Variants in ERCC6L2 observed in about 807,000 individuals in gnomAD.
ERCC6L2 encodes ERCC excision repair 6 like 2, also known as DNA excision repair protein ERCC-6-like 2.
ERCC6L2 carries 77 observed loss-of-function variants against 132.0 expected under a neutral mutation model. The ratio of observed to expected loss-of-function variants is 0.58; its 90% CI spans 0.49 to 0.71. ERCC6L2 has a LOEUF of 0.71. ERCC6L2 is among the 30% of genes least tolerant of loss of function. The pLI is 0.00. For missense variants in ERCC6L2, 1,542 were observed against 1,837.6 expected (o/e 0.84, Z 2.94); for synonymous variants, 583 against 632.4 (o/e 0.92, Z 1.17).
intron 3 of ERCC6L2, among the ~76,000 whole-genome samples, chr9:95,900,329 A>G (rs1489837102): frequency 6.6e-6 from 1 of 152,024 alleles, no homozygotes; most frequent in African/African-American, 2.4e-5. Context: ...TCTAGGCTGC[A>G]GTGAGCCGTG....
At position 95,875,980 on chromosome 9, in the gene ERCC6L2, G is replaced by C. The variant is rs771284265; in HGVS notation, c.-59G>C. On this transcript the variant is annotated 5_prime_UTR_variant, in exon 1 of 19. Coordinates refer to ENST00000653738, the MANE Select transcript of ERCC6L2 (RefSeq NM_020207.7). ...TGGCCTGCCGGCCAGCCACCTTGCT[G>C]TCCTCCGCCGCCTTCCGGGTGTTAC... 1.9e-6 allele frequency: 3 copies of C among 1,545,990 alleles called. No homozygotes were observed. The highest frequency in any genetic ancestry group is 1.2e-5 in the South Asian group (1 of 84,246).
intron 2 of ERCC6L2, among the ~76,000 whole-genome samples, chr9:95,894,377 G>A (rs186249517): frequency 1.8e-3 from 272 of 152,148 alleles, no homozygotes; most frequent in African/African-American, 5.9e-3. Flanking sequence ...AATTCAACAT[G>A]TATTGTTACT....
rs1827247019 is a variant in ERCC6L2 at position 95,876,085 on chromosome 9, G to A, written c.46+1G>A. 6.4e-7 allele frequency: 1 copy of A among 1,574,286 alleles called. No homozygotes were observed. The highest frequency in any genetic ancestry group is 2.4e-5 in the East Asian group (1 of 42,276). On this transcript the variant is annotated splice_donor_variant, in intron 1 of 18. Transcript: ENST00000653738. LOFTEE classifies it high-confidence loss of function. ...CCCCGCGCGGAAACCTCAGGCAAAG[G>A]TACCAGCTCCGCGCTCGCCCCTTAC...
intron 9 of ERCC6L2, among the ~76,000 whole-genome samples, chr9:95,924,128 G>A (rs575497782): frequency 6.6e-6 from 1 of 151,748 alleles, no homozygotes; most frequent in South Asian, 2.1e-4. Context: ...ACTCAACTTT[G>A]TTATAGTTTT....
rs114198797 is a variant in ERCC6L2 at position 95,885,660 on chromosome 9, G to C, written c.471+4367G>C. On this transcript the variant is annotated intron_variant, in intron 2 of 18. Coordinates refer to ENST00000653738, the MANE Select transcript of ERCC6L2 (RefSeq NM_020207.7). ...TACAGGTTTGGGAACCTGACCTTTG[G>C]TAATCAGACAACTCAGTGATAGGAA... Among the ~76,000 whole-genome samples, 1,355 of 152,268 alleles carry C rather than the reference G, an allele frequency of 8.9e-3. 12 individuals carry two copies. Among genetic ancestry groups the C allele is most frequent in the Middle Eastern group, 0.041 (12 of 294 alleles).
chr9:95,911,024 A>G (rs2132680948), intron 4 of ERCC6L2, among the ~76,000 whole-genome samples: 1 of 152,226 alleles, frequency 6.6e-6, no homozygotes, highest in African/African-American at 2.4e-5. Flanking sequence ...CCTTCCAAGT[A>G]ACTAGGACTA....
At chr9:95,970,811 T>C (rs1481993405) in intron 15 of ERCC6L2, among the ~76,000 whole-genome samples, 155 bp downstream of exon 15, 1 of 152,080 alleles carries the variant, frequency 6.6e-6, no homozygotes, top group African/African-American at 2.4e-5. Context: ...AAATTAATAA[T>C]TAAGGCTGAT....
chr9:96,004,965 A>G (rs972376281), intron 18 of ERCC6L2: 3 of 317,680 alleles, frequency 9.4e-6, no homozygotes, highest in African/African-American at 6.5e-5. Context: ...CAATGAATAT[A>G]TTTTGAGCAC....
chr9:95,894,212 A>G (rs945598384), intron 2 of ERCC6L2, among the ~76,000 whole-genome samples: 4 of 81,672 alleles, frequency 4.9e-5, no homozygotes, highest in Non-Finnish European at 1.2e-4. Context: ...GTGAAAAACA[A>G]TGATTGTATG....
chr9:95,976,870 A>G (rs111496827), intron 16 of ERCC6L2, among the ~76,000 whole-genome samples: 5 of 152,342 alleles, frequency 3.3e-5, no homozygotes, highest in African/African-American at 1.2e-4. Flanking sequence ...ATTTTGCTAT[A>G]GAAATCTTAA....
intron 2 of ERCC6L2, 123 bp from the exon 3 acceptor site, chr9:95,897,726 C>A (rs771070725): frequency 2.7e-5 from 27 of 991,116 alleles, no homozygotes; most frequent in Admixed American, 1.3e-4. Flanking sequence ...ATTTCATGTT[C>A]TATTTCCCCC....
intron 19 of ERCC6L2, among the ~76,000 whole-genome samples, chr9:96,027,481 C>G (rs969147762): frequency 6.6e-6 from 1 of 152,182 alleles, no homozygotes; most frequent in African/African-American, 2.4e-5. Context: ...GTGCCCGGCT[C>G]AGTCACCCGC....
In ERCC6L2 at chr9:95,928,736, G is replaced by A. The variant is rs139587179; in HGVS notation, c.1623G>A (p.Gln541=). The change falls in exon 11 of 19, where the codon CAG becomes CAA. Residue 541 remains glutamine, a synonymous_variant. Coordinates refer to ENST00000653738, the MANE Select transcript of ERCC6L2 (RefSeq NM_020207.7). ...SFSTKLLDVL[Q]QYCMASGLDY... ...TCGTCTAGTTGCTTGACGTGCTACA[G>A]CAGTACTGTATGGCGTCTGGGCTTG... 4.6e-5 allele frequency: 74 copies of A among 1,610,712 alleles called. No homozygotes were observed. In the African/African-American group the frequency reaches 9.2e-4, roughly 20 times the overall value.
intron 11 of ERCC6L2, among the ~76,000 whole-genome samples, chr9:95,933,598 A>T (rs1455188952): frequency 6.6e-6 from 1 of 152,174 alleles, no homozygotes; most frequent in Non-Finnish European, 1.5e-5. Flanking sequence ...TATTCCCAGC[A>T]CTTTGGAAGG....
chr9:95,906,627 G>T (rs1298038618), intron 3 of ERCC6L2: 1 of 456,198 alleles, frequency 2.2e-6, no homozygotes, highest in Non-Finnish European at 4.4e-6. Context: ...TCTGAAAGAG[G>T]GGGAGCGGAA....
Position 95,921,333 on chromosome 9 carries a change from T to G in ERCC6L2, c.1299+18T>G. 1 of 1,597,830 alleles carries G rather than the reference T, an allele frequency of 6.3e-7. No homozygotes were observed. Among genetic ancestry groups the G allele is most frequent in the Non-Finnish European group, 8.5e-7 (1 of 1,171,542 alleles). On this transcript the variant is annotated intron_variant, in intron 7 of 18. Coordinates refer to ENST00000653738, the MANE Select transcript of ERCC6L2 (RefSeq NM_020207.7). ...GTTATAAGGCAAGCATTTCAATATA[T>G]CTTTATAATCATGCTTTTGATTACA...
intron 19 of ERCC6L2, among the ~76,000 whole-genome samples, chr9:96,034,227 G>C (rs1009981045): frequency 6.6e-6 from 1 of 152,236 alleles, no homozygotes; most frequent in African/African-American, 2.4e-5. Flanking sequence ...GTTCACCTCG[G>C]TCCCTCTTGT....
chr9:95,926,187 C>T (rs1830092726), intron 9 of ERCC6L2, among the ~76,000 whole-genome samples: 1 of 152,160 alleles, frequency 6.6e-6, no homozygotes, highest in Non-Finnish European at 1.5e-5. Context: ...AGTGGTTTCT[C>T]ACAAAGCTCT....
intron 19 of ERCC6L2, among the ~76,000 whole-genome samples, chr9:96,026,494 C>G (rs1466733846): frequency 3.9e-5 from 6 of 152,086 alleles, no homozygotes; most frequent in Non-Finnish European, 7.4e-5. Context: ...CCACTGCCAA[C>G]GCCCACAGGC....
Sources: allele counts gnomAD v4.1 joint callset (sites outside exome capture counted in the v4.1 genomes callset), GRCh38; gene constraint gnomAD v4.1.1; transcripts MANE v1.5; gene names NCBI Gene and HGNC (gene_info 2026-07-23, HGNC 2026-07-21).